Variants in SGCZ observed in about 807,000 individuals in gnomAD.
The protein encoded by SGCZ is sarcoglycan zeta, also known as zeta-sarcoglycan.
In SGCZ, 40 loss-of-function variants were observed where a neutral mutation model predicts 41.3. That is an observed-to-expected ratio of 0.97 (90% CI 0.75 to 1.26). The LOEUF (loss-of-function observed/expected upper bound fraction) is 1.26. Among genes scored for constraint, SGCZ ranks in the 50% most tolerant of loss-of-function variants. SGCZ has a pLI of 0.00. For synonymous variants in SGCZ, 206 were observed against 137.5 expected (o/e 1.50, Z -3.49); for missense variants, 552 against 369.8 (o/e 1.49, Z -4.04).
chr8:14,137,978 C>T (rs566043242), intron 5 of SGCZ, among the ~76,000 whole-genome samples: 1 of 152,146 alleles, frequency 6.6e-6, no homozygotes, highest in African/African-American at 2.4e-5. Context: ...TAACAGCAGA[C>T]CTCTCAGCAG....
chr8:14,655,712 A>G (rs1335409473), intron 1 of SGCZ, among the ~76,000 whole-genome samples: 1 of 152,166 alleles, frequency 6.6e-6, no homozygotes, highest in Non-Finnish European at 1.5e-5. Flanking sequence ...CTCAAGATAA[A>G]GAATATTTCC....
At chr8:14,826,169 T>TA (rs1441091840) in intron 1 of SGCZ, among the ~76,000 whole-genome samples, 1 of 147,894 alleles carries the variant, frequency 6.8e-6, no homozygotes, top group Non-Finnish European at 1.5e-5. Flanking sequence ...CACCTATGAG[T>TA]GAGAACATGC....
intron 1 of SGCZ, among the ~76,000 whole-genome samples, chr8:14,951,150 A>G (rs1009409775): frequency 6.6e-6 from 1 of 151,546 alleles, no homozygotes; most frequent in African/African-American, 2.4e-5. Context: ...AGTCCCATTT[A>G]TCACAGAATT....
At chr8:14,161,387 A>G (rs912134663) in intron 5 of SGCZ, 1 of 152,154 alleles carries the variant, frequency 6.6e-6, no homozygotes, top group African/African-American at 2.4e-5. Flanking sequence ...TAGTTTGTCT[A>G]TGTGCCTATG....
At chr8:14,423,876 T>C (rs1270175466) in intron 2 of SGCZ, among the ~76,000 whole-genome samples, 1 of 152,158 alleles carries the variant, frequency 6.6e-6, no homozygotes, top group Non-Finnish European at 1.5e-5. Flanking sequence ...TTTTTCCTTT[T>C]TTTCCTTCCT....
chr8:14,947,144 T>A (rs1800478717), intron 1 of SGCZ, among the ~76,000 whole-genome samples: 1 of 152,178 alleles, frequency 6.6e-6, no homozygotes, highest in Non-Finnish European at 1.5e-5. Flanking sequence ...CTCTCATCTA[T>A]CATACAAGTG....
chr8:15,066,776 G>C lies in SGCZ; in HGVS notation c.39+170809C>G, dbSNP rs931739783. Among the ~76,000 whole-genome samples, 3 of 152,050 alleles carry C rather than the reference G, an allele frequency of 2.0e-5. No homozygotes were observed. The East Asian group carries it at 5.8e-4, about 29-fold the overall frequency. On this transcript the variant is annotated intron_variant, in intron 1 of 7. Coordinates refer to ENST00000382080, the MANE Select transcript of SGCZ (RefSeq NM_139167.4). ...CATAACTCTCGAATTCTGCCACCTA[G>C]TCTCTTACTAAGATTTTTATTCACA...
intron 1 of SGCZ, among the ~76,000 whole-genome samples, chr8:14,635,610 A>G (rs910800757): frequency 6.6e-6 from 1 of 151,828 alleles, no homozygotes; most frequent in Non-Finnish European, 1.5e-5. Flanking sequence ...AAAATTTCAC[A>G]TATTCTCTCT....
At chr8:14,530,175 A>G (rs148052141) in intron 2 of SGCZ, among the ~76,000 whole-genome samples, 6 of 152,144 alleles carry the variant, frequency 3.9e-5, no homozygotes, top group African/African-American at 7.2e-5. Flanking sequence ...AAAATTACAT[A>G]TCTATTCTTA....
At chr8:14,203,166 G>C (rs775197185) in intron 4 of SGCZ, among the ~76,000 whole-genome samples, 5 of 152,124 alleles carry the variant, frequency 3.3e-5, no homozygotes, top group African/African-American at 4.8e-5. Flanking sequence ...CCCAGTCCCA[G>C]ATATGTTTTT....
intron 2 of SGCZ, among the ~76,000 whole-genome samples, chr8:14,385,156 G>A (rs180944149): frequency 3.9e-5 from 6 of 152,214 alleles, no homozygotes; most frequent in African/African-American, 9.6e-5. Context: ...ATGCTCTCAC[G>A]ATAGGGGATT....
chr8:14,400,129 G>C (rs1344281271), intron 2 of SGCZ, among the ~76,000 whole-genome samples: 1 of 151,968 alleles, frequency 6.6e-6, no homozygotes. Flanking sequence ...GTGATCTTTT[G>C]TGAGTAGCTT....
chr8:14,227,667 G>C (rs779956784), intron 4 of SGCZ, among the ~76,000 whole-genome samples: 10 of 151,948 alleles, frequency 6.6e-5, no homozygotes, highest in Non-Finnish European at 1.2e-4. Context: ...AAGAGATTTG[G>C]GTAATACTGT....
At chr8:14,107,906 G>A (rs1312431855) in intron 6 of SGCZ, among the ~76,000 whole-genome samples, 1 of 152,158 alleles carries the variant, frequency 6.6e-6, no homozygotes, top group Non-Finnish European at 1.5e-5. Context: ...GCCTCCCAAA[G>A]TGCTGGGGTT....
intron 1 of SGCZ, among the ~76,000 whole-genome samples, chr8:15,024,935 CAAAT>C (rs71209100): frequency 0.082 from 11,740 of 142,608 alleles, 542 homozygotes; most frequent in Middle Eastern, 0.12. Flanking sequence ...GACTCCGTCT[CAAAT>C]AAATAAATAA....
intron 1 of SGCZ, among the ~76,000 whole-genome samples, chr8:15,183,613 C>A (rs1325666769): frequency 1.3e-5 from 2 of 152,066 alleles, no homozygotes; most frequent in Non-Finnish European, 2.9e-5. Context: ...TGGGTTAAAG[C>A]CAAAATGATC....
intron 2 of SGCZ, among the ~76,000 whole-genome samples, chr8:14,502,141 G>A (rs907817690): frequency 6.6e-6 from 1 of 152,044 alleles, no homozygotes; most frequent in Non-Finnish European, 1.5e-5. Flanking sequence ...TTGTTAGCTA[G>A]TAAGTCATTA....
At chr8:15,070,482 G>C (rs921963455) in intron 1 of SGCZ, among the ~76,000 whole-genome samples, 2 of 152,086 alleles carry the variant, frequency 1.3e-5, no homozygotes. Flanking sequence ...ATAATTGACT[G>C]GGACTTGATT....
chr8:14,900,593 C>A (rs1412568099), intron 1 of SGCZ, among the ~76,000 whole-genome samples: 1 of 152,162 alleles, frequency 6.6e-6, no homozygotes, highest in Non-Finnish European at 1.5e-5. Flanking sequence ...TGCAAAATAT[C>A]TGTTGAATCA....
Sources: allele counts gnomAD v4.1 joint callset (sites outside exome capture counted in the v4.1 genomes callset), GRCh38; gene constraint gnomAD v4.1.1; transcripts MANE v1.5; gene names NCBI Gene and HGNC (gene_info 2026-07-23, HGNC 2026-07-21).